TENM3: variants seen among roughly 807,000 people sequenced by gnomAD.
TENM3 encodes the protein teneurin-3.
A neutral mutation model predicts 255.1 loss-of-function variants in TENM3; 63 were observed. That is an observed-to-expected ratio of 0.25 (90% CI 0.20 to 0.30). TENM3 has a LOEUF of 0.30. Ranked by LOEUF, TENM3 falls within the 10% of genes least tolerant of loss-of-function variation. The pLI, the probability that TENM3 is intolerant of heterozygous loss-of-function variation, is 1.00. For synonymous variants in TENM3, 1,306 were observed against 1,322.3 expected (o/e 0.99, Z 0.27); for missense variants, 2,929 against 3,461.1 (o/e 0.85, Z 3.86).
chr4:181,641,554 G>GTGTATA, the TENM3 span, among the ~76,000 whole-genome samples: 543 of 26,612 alleles, frequency 0.02, 7 homozygotes, highest in Non-Finnish European at 0.029. Context: ...TGGTGTGTGT[G>GTGTATA]TATATATATA....
At chr4:181,557,636 C>T in the TENM3 span, among the ~76,000 whole-genome samples, 1 of 152,096 alleles carries the variant, frequency 6.6e-6, no homozygotes, top group Non-Finnish European at 1.5e-5. Context: ...AAGTGATTCT[C>T]CCACCGCAGC....
chr4:181,935,593 C>T, the TENM3 span, among the ~76,000 whole-genome samples: 3 of 152,318 alleles, frequency 2.0e-5, no homozygotes, highest in African/African-American at 7.2e-5. Context: ...CCACTCTTCA[C>T]TCTCAAAGCT....
intron 3 of TENM3, among the ~76,000 whole-genome samples, chr4:182,571,796 A>G (rs529530107): frequency 6.6e-6 from 1 of 152,342 alleles, no homozygotes; most frequent in South Asian, 2.1e-4. Flanking sequence ...TAATTAACAT[A>G]GAAGACTGAA....
chr4:182,562,685 C>A (rs1743327698), intron 3 of TENM3, among the ~76,000 whole-genome samples: 1 of 152,106 alleles, frequency 6.6e-6, no homozygotes, highest in Non-Finnish European at 1.5e-5. Context: ...CTTTACCCTC[C>A]TGGAAAAGGG....
the TENM3 span, among the ~76,000 whole-genome samples, chr4:181,606,818 G>A: frequency 6.6e-6 from 1 of 151,970 alleles, no homozygotes; most frequent in Non-Finnish European, 1.5e-5. Flanking sequence ...CATAGCCAGG[G>A]CTCCAAGGGC....
At chr4:182,661,166 A>G (rs1754191629) in intron 6 of TENM3, among the ~76,000 whole-genome samples, 1 of 151,982 alleles carries the variant, frequency 6.6e-6, no homozygotes, top group South Asian at 2.1e-4. Flanking sequence ...CTTAAACAAA[A>G]CAATTCCAAT....
chr4:181,700,924 A>G, the TENM3 span, among the ~76,000 whole-genome samples: 1 of 152,192 alleles, frequency 6.6e-6, no homozygotes, highest in Non-Finnish European at 1.5e-5. Context: ...TATTTTTAGT[A>G]AGGAGTATTG....
chr4:182,050,915 C>T, the TENM3 span, among the ~76,000 whole-genome samples: 2 of 152,194 alleles, frequency 1.3e-5, no homozygotes, highest in Non-Finnish European at 2.9e-5. Context: ...TCATCTTCAG[C>T]CACTGGCGAT....
chr4:181,533,133 G>A, the TENM3 span, among the ~76,000 whole-genome samples: 1 of 152,112 alleles, frequency 6.6e-6, no homozygotes, highest in African/African-American at 2.4e-5. Context: ...ATTAGGGCAG[G>A]ACCGGGAGGG....
chr4:181,786,475 A>C, the TENM3 span, among the ~76,000 whole-genome samples: 2 of 152,116 alleles, frequency 1.3e-5, no homozygotes, highest in South Asian at 2.1e-4. Context: ...GTGGACACTA[A>C]AGAAGGTGAG....
At chr4:182,530,769 G>A (rs139543700) in intron 3 of TENM3, among the ~76,000 whole-genome samples, 1 of 152,258 alleles carries the variant, frequency 6.6e-6, no homozygotes, top group East Asian at 1.9e-4. Flanking sequence ...ACTTGTTTAT[G>A]GATTCCCTGT....
At chr4:182,486,408 T>C (rs1178882777) in intron 3 of TENM3, among the ~76,000 whole-genome samples, 7 of 152,062 alleles carry the variant, frequency 4.6e-5, no homozygotes, top group African/African-American at 1.7e-4. Flanking sequence ...GGAACTATAT[T>C]AACTGGCTGG....
chr4:182,576,478 T>G (rs1442423775), intron 3 of TENM3, among the ~76,000 whole-genome samples: 2 of 152,200 alleles, frequency 1.3e-5, no homozygotes, highest in Non-Finnish European at 2.9e-5. Flanking sequence ...TCTAAAATGA[T>G]GAGAGTGGTT....
chr4:181,661,144 T>A, the TENM3 span, among the ~76,000 whole-genome samples: 1 of 152,150 alleles, frequency 6.6e-6, no homozygotes, highest in Non-Finnish European at 1.5e-5. Context: ...AAATGCTAAA[T>A]CAGTTGCGTA....
chr4:182,071,678 T>C, the TENM3 span, among the ~76,000 whole-genome samples: 9 of 152,110 alleles, frequency 5.9e-5, no homozygotes, highest in Non-Finnish European at 7.4e-5. Flanking sequence ...GTGAGAGTAA[T>C]TGAGATATAT....
chr4:182,236,007 C>G (rs1756882039), intron 1 of TENM3, among the ~76,000 whole-genome samples: 2 of 152,136 alleles, frequency 1.3e-5, no homozygotes, highest in South Asian at 4.2e-4. Flanking sequence ...GTGACATGAC[C>G]AGATTCACAT....
At chr4:181,623,314 A>G in the TENM3 span, among the ~76,000 whole-genome samples, 4 of 152,346 alleles carry the variant, frequency 2.6e-5, no homozygotes, top group South Asian at 2.1e-4. Context: ...TACTACGTGT[A>G]AAGTCCTTAC....
chr4:182,741,408 C>T (rs779593030), intron 18 of TENM3, among the ~76,000 whole-genome samples: 12 of 152,128 alleles, frequency 7.9e-5, no homozygotes, highest in Non-Finnish European at 1.6e-4. Flanking sequence ...TAGATGCTGA[C>T]AGTTATTCGT....
chr4:182,004,602 G>C, the TENM3 span, among the ~76,000 whole-genome samples: 883 of 152,302 alleles, frequency 5.8e-3, 6 homozygotes, highest in Non-Finnish European at 8.0e-3. Flanking sequence ...TAAGGGGATT[G>C]CTAGGTCAAA....
Sources: allele counts gnomAD v4.1 joint callset (sites outside exome capture counted in the v4.1 genomes callset), GRCh38; gene constraint gnomAD v4.1.1; transcripts MANE v1.5; gene names NCBI Gene and HGNC (gene_info 2026-07-23, HGNC 2026-07-21).